Variants in PARD3B observed in about 807,000 individuals in gnomAD.
The protein encoded by PARD3B is par-3 family cell polarity regulator beta.
PARD3B carries 103 observed loss-of-function variants against 130.2 expected under a neutral mutation model. The ratio of observed to expected loss-of-function variants is 0.79; its 90% CI spans 0.67 to 0.93. The LOEUF is 0.93. Ranked by LOEUF, PARD3B falls within the 40% of genes least tolerant of loss-of-function variation. The pLI is 0.00. For missense variants in PARD3B, 1,609 were observed against 1,499.2 expected (o/e 1.07, Z -1.21); for synonymous variants, 583 against 553.2 (o/e 1.05, Z -0.76).
intron 2 of PARD3B, among the ~76,000 whole-genome samples, chr2:204,793,292 T>C (rs2042259508): frequency 1.3e-5 from 2 of 152,204 alleles, no homozygotes; most frequent in African/African-American, 4.8e-5. Context: ...GTCTATTCTC[T>C]GCTACTTCAT....
At chr2:205,595,969 T>C (rs900747161) in intron 22 of PARD3B, among the ~76,000 whole-genome samples, 4 of 152,068 alleles carry the variant, frequency 2.6e-5, no homozygotes, top group Non-Finnish European at 4.4e-5. Flanking sequence ...AGTAATTGCA[T>C]AGCCCTCATC....
intron 15 of PARD3B, among the ~76,000 whole-genome samples, chr2:205,196,460 A>G (rs1023752613): frequency 3.3e-5 from 5 of 151,956 alleles, no homozygotes; most frequent in Non-Finnish European, 5.9e-5. Context: ...GATGCAAGTG[A>G]TTTTTTTGCA....
At chr2:205,431,611 A>G (rs2047338336) in intron 19 of PARD3B, among the ~76,000 whole-genome samples, 2 of 151,550 alleles carry the variant, frequency 1.3e-5, no homozygotes, top group South Asian at 4.2e-4. Context: ...CTGGGACTAT[A>G]GGCGTCTACC....
At chr2:204,641,838 G>A (rs2035088298) in intron 1 of PARD3B, among the ~76,000 whole-genome samples, 1 of 152,106 alleles carries the variant, frequency 6.6e-6, no homozygotes, top group Non-Finnish European at 1.5e-5. Context: ...AGTGTCTATT[G>A]TACTTCAAAA....
intron 1 of PARD3B, among the ~76,000 whole-genome samples, chr2:204,590,259 A>G (rs772938083): frequency 1.3e-5 from 2 of 152,054 alleles, no homozygotes; most frequent in African/African-American, 2.4e-5. Context: ...TAAGGGCACT[A>G]ATTCCATTAT....
intron 4 of PARD3B, among the ~76,000 whole-genome samples, chr2:205,066,939 C>T (rs1243430773): frequency 6.6e-6 from 1 of 151,824 alleles, no homozygotes. Flanking sequence ...CCCCTGAATC[C>T]CATGCAGTGC....
At chr2:204,957,735 G>A (rs1449838063) in intron 2 of PARD3B, among the ~76,000 whole-genome samples, 1 of 152,074 alleles carries the variant, frequency 6.6e-6, no homozygotes, top group Admixed American at 6.5e-5. Flanking sequence ...TTAGTTACAA[G>A]CAGATGCACA....
chr2:205,568,334 T>A lies in PARD3B; in HGVS notation c.3260+14931T>A, dbSNP rs998903496. ...CATGTCTTGTACGGAACACAGTGAA[T>A]GCCAATAGCACCAACAGAGCAACCC... On this transcript the variant is annotated intron_variant, in intron 22 of 22. Coordinates refer to ENST00000406610, the MANE Select transcript of PARD3B (RefSeq NM_001302769.2). This position sits in a 1 kb window ranked among gnomAD's most constrained non-coding sequence, Gnocchi z 5.3. Among the ~76,000 whole-genome samples the A allele has an allele frequency of 6.6e-6, 1 of 152,214 alleles. No individual in the cohort carries two copies. Among genetic ancestry groups the A allele is most frequent in the Admixed American group, 6.5e-5 (1 of 15,282 alleles).
chr2:204,762,827 C>A (rs1384801845), intron 2 of PARD3B, among the ~76,000 whole-genome samples: 1 of 149,332 alleles, frequency 6.7e-6, no homozygotes, highest in East Asian at 2.0e-4. Context: ...ATGGCACGAT[C>A]TCGGCTCACC....
chr2:204,597,256 G>A (rs1009508714), intron 1 of PARD3B, among the ~76,000 whole-genome samples: 9 of 150,296 alleles, frequency 6.0e-5, no homozygotes, highest in African/African-American at 9.7e-5. Context: ...GAGCCGATGC[G>A]TGTTTTTTTT....
At chr2:204,775,243 G>A (rs1290253859) in intron 2 of PARD3B, among the ~76,000 whole-genome samples, 4 of 152,092 alleles carry the variant, frequency 2.6e-5, no homozygotes, top group South Asian at 2.1e-4. Flanking sequence ...CTGCATAAAA[G>A]TATGTTTTAG....
chr2:204,873,853 A>G (rs1052446980), intron 2 of PARD3B, among the ~76,000 whole-genome samples: 2 of 152,126 alleles, frequency 1.3e-5, no homozygotes, highest in African/African-American at 4.8e-5. Flanking sequence ...GAATAAAACA[A>G]AACTAATGGC....
chr2:205,578,747 A>G (rs1480817016), intron 22 of PARD3B, among the ~76,000 whole-genome samples: 1 of 152,220 alleles, frequency 6.6e-6, no homozygotes, highest in Non-Finnish European at 1.5e-5. Context: ...TGAAGTCAAA[A>G]TCTATGTCAT....
rs1159064086 is a variant in PARD3B at position 204,676,665 on chromosome 2, TG to T, written c.121-9515del. ...CATACATCCCATTCTACTCTATGAT[TG>T]TTTTTTTTTTTTTTTTTTTTGGAGA... is the stretch of plus-strand genomic sequence containing the variant. On this transcript the variant is annotated intron_variant, in intron 1 of 22. Transcript: ENST00000406610. Among the ~76,000 whole-genome samples, 334 of 115,932 alleles carry T rather than the reference TG, an allele frequency of 2.9e-3. 2 individuals carry two copies. The highest frequency in any genetic ancestry group is 0.018 in the South Asian group (58 of 3,170). 76.1% of individuals were successfully genotyped at this position (115,932 alleles called of 152,430 possible).
chr2:204,949,904 T>C (rs1689624692), intron 2 of PARD3B, among the ~76,000 whole-genome samples: 1 of 152,222 alleles, frequency 6.6e-6, no homozygotes, highest in African/African-American at 2.4e-5. Flanking sequence ...ATAAATTTAT[T>C]CATTAGATGC....
At chr2:205,193,095 T>C in intron 14 of PARD3B, 110 bp from the exon 15 acceptor site, 1 of 657,058 alleles carries the variant, frequency 1.5e-6, no homozygotes, top group Non-Finnish European at 2.7e-6. Context: ...AATATGTGGT[T>C]GGGAGCTGCG....
chr2:204,860,941 C>T (rs2125626667), intron 2 of PARD3B, among the ~76,000 whole-genome samples: 1 of 152,170 alleles, frequency 6.6e-6, no homozygotes, highest in Non-Finnish European at 1.5e-5. Flanking sequence ...TCAGGTTTGG[C>T]TAATATGACA....
At chr2:204,921,904 C>A (rs995620665) in intron 2 of PARD3B, among the ~76,000 whole-genome samples, 3 of 152,076 alleles carry the variant, frequency 2.0e-5, no homozygotes, top group Non-Finnish European at 4.4e-5. Flanking sequence ...AAAGTTATTA[C>A]AAACTAAAAT....
rs192812053 is a variant in PARD3B at position 205,226,143 on chromosome 2, A to G, written c.2141-19635A>G. ...TGCAAGCTCCGCCTCCCGGGTTCACACCATTCTCCTGCCTCAGCCTCCCGA... is the reference window on the plus strand; with the variant it reads ...TGCAAGCTCCGCCTCCCGGGTTCACGCCATTCTCCTGCCTCAGCCTCCCGA... On this transcript the variant is annotated intron_variant, in intron 15 of 22. Transcript: ENST00000406610. Among the ~76,000 whole-genome samples the G allele has an allele frequency of 9.5e-3, 1,447 of 152,220 alleles. 18 individuals carry two copies. Among genetic ancestry groups the G allele is most frequent in the African/African-American group, 0.025 (1,031 of 41,554 alleles).
Sources: gnomAD v4.1 joint callset for allele counts (sites outside exome capture counted in the v4.1 genomes callset) on GRCh38, gnomAD v4.1.1 for gene constraint, Gnocchi (gnomAD v3.1) non-coding constraint, MANE v1.5 for transcripts, NCBI Gene and HGNC (gene_info 2026-07-23, HGNC 2026-07-21) for gene names.